CDH7: variants seen among roughly 807,000 people sequenced by gnomAD.
CDH7 encodes the protein cadherin 7.
Under a neutral mutation model 71.8 loss-of-function variants are expected in CDH7, and 25 were observed. The observed-to-expected ratio is 0.35, with a 90% CI of 0.25 to 0.49. The LOEUF (loss-of-function observed/expected upper bound fraction) is 0.49. CDH7 is among the 20% of genes least tolerant of loss of function. The pLI is 0.99. For missense variants in CDH7, 862 were observed against 974.6 expected, an observed-to-expected ratio of 0.88 and a Z score of 1.54; for synonymous variants, 381 against 363.8, an observed-to-expected ratio of 1.05 and a Z score of -0.54.
At chr18:65,751,941 G>C (rs549420840) in intron 1 of CDH7, among the ~76,000 whole-genome samples, 184 of 152,298 alleles carry the variant, frequency 1.2e-3, no homozygotes, top group African/African-American at 4.4e-3. Flanking sequence ...TTTCTTAAAT[G>C]TCATAGTTCA....
At chr18:65,798,628 A>G (rs1911002591) in intron 2 of CDH7, among the ~76,000 whole-genome samples, 1 of 152,208 alleles carries the variant, frequency 6.6e-6, no homozygotes, top group Non-Finnish European at 1.5e-5. Flanking sequence ...TGTTGAGCAA[A>G]GCAGCCTAGG....
intron 1 of CDH7, among the ~76,000 whole-genome samples, chr18:65,757,270 C>T (rs1229761034): frequency 1.3e-5 from 2 of 152,078 alleles, no homozygotes; most frequent in East Asian, 3.9e-4. Context: ...GAAACTAATA[C>T]ACTGCCACTT....
chr18:65,861,443 G>A (rs754418309), intron 10 of CDH7, among the ~76,000 whole-genome samples: 22 of 123,752 alleles, frequency 1.8e-4, no homozygotes, highest in African/African-American at 3.7e-4. Context: ...CTCTGACATC[G>A]GAGTTGGTAG....
At position 65,877,693 on chromosome 18, in the gene CDH7, T is replaced by C. The variant is rs1252549074; in HGVS notation, c.1865-2708T>C. On this transcript the variant is annotated intron_variant, in intron 11 of 11. Coordinates refer to ENST00000397968, the MANE Select transcript of CDH7 (RefSeq NM_004361.5). The stretch of plus-strand genomic sequence containing the variant: ...CACTATTTTCTCTCAACGTCCCTCT[T>C]CATTCCATGCTTTACTTAATTTGAT... Among the ~76,000 whole-genome samples, 3 of 152,250 alleles carry C rather than the reference T, an allele frequency of 2.0e-5. No individual in the cohort carries two copies. In the South Asian group the frequency reaches 6.2e-4, roughly 32 times the overall value.
chr18:65,823,030 T>C (rs567113162), intron 5 of CDH7, among the ~76,000 whole-genome samples: 1 of 151,890 alleles, frequency 6.6e-6, no homozygotes, highest in Non-Finnish European at 1.5e-5. Context: ...CTGTACAATG[T>C]CTCTAAAATG....
intron 2 of CDH7, among the ~76,000 whole-genome samples, chr18:65,793,875 G>A (rs1242896519): frequency 2.0e-5 from 3 of 151,958 alleles, no homozygotes; most frequent in Non-Finnish European, 2.9e-5. Flanking sequence ...ACTTTGATTT[G>A]GCTTTTCTTG....
chr18:65,859,335 G>A (rs925011643), intron 9 of CDH7, among the ~76,000 whole-genome samples: 3 of 152,130 alleles, frequency 2.0e-5, no homozygotes, highest in Non-Finnish European at 2.9e-5. Context: ...TACGCTGATT[G>A]GGCTGTTTCC....
chr18:65,833,871 GTTCAC>G (rs1484251153), intron 6 of CDH7, among the ~76,000 whole-genome samples: 1 of 152,038 alleles, frequency 6.6e-6, no homozygotes, highest in African/African-American at 2.4e-5. Flanking sequence ...TGTTGATTTT[GTTCAC>G]TTAAGAGTAT....
intron 2 of CDH7, among the ~76,000 whole-genome samples, chr18:65,781,838 C>T (rs1307585560): frequency 1.1e-5 from 1 of 92,300 alleles, no homozygotes; most frequent in Admixed American, 1.0e-4. Flanking sequence ...TTCTTTCTTT[C>T]TTTCTTTCTT....
intron 4 of CDH7, among the ~76,000 whole-genome samples, chr18:65,820,857 G>A (rs1197357606): frequency 4.6e-5 from 7 of 152,050 alleles, no homozygotes; most frequent in African/African-American, 1.4e-4. Flanking sequence ...TTACTGATTA[G>A]TTGAGGGGTT....
chr18:65,870,918 A>G (rs1913908245), intron 11 of CDH7, among the ~76,000 whole-genome samples: 1 of 152,208 alleles, frequency 6.6e-6, no homozygotes, highest in African/African-American at 2.4e-5. Context: ...ATATAGAGAC[A>G]ATATTTTTAA....
intron 2 of CDH7, among the ~76,000 whole-genome samples, chr18:65,781,767 TTTCCTTCCTTCCTTCC>T (rs1189209857): frequency 1.3e-5 from 1 of 75,488 alleles, no homozygotes; most frequent in Non-Finnish European, 2.6e-5. Context: ...TCTTTCTTTC[TTTCCTTCCTTCCTTCC>T]TTCCTTCCTT....
intron 2 of CDH7, among the ~76,000 whole-genome samples, chr18:65,802,030 C>T (rs1285205917): frequency 6.6e-6 from 1 of 152,206 alleles, no homozygotes; most frequent in Non-Finnish European, 1.5e-5. Context: ...TCTCAGATTG[C>T]TCTCTGCCTT....
intron 2 of CDH7, chr18:65,803,072 T>G (rs1467814344): frequency 6.6e-6 from 1 of 152,214 alleles, no homozygotes; most frequent in Admixed American, 6.5e-5. Flanking sequence ...ATCTTTTTAT[T>G]TTATCCTCAC....
intron 4 of CDH7, among the ~76,000 whole-genome samples, chr18:65,821,302 C>T (rs1911919286): frequency 6.6e-6 from 1 of 151,954 alleles, no homozygotes; most frequent in Non-Finnish European, 1.5e-5. Flanking sequence ...ATCATTATGG[C>T]TCTGAGAAGA....
intron 1 of CDH7, among the ~76,000 whole-genome samples, chr18:65,760,330 T>C (rs2143782203): frequency 6.6e-6 from 1 of 152,282 alleles, no homozygotes; most frequent in Non-Finnish European, 1.5e-5. Flanking sequence ...AGTTAAGACA[T>C]GACTGACCCA....
Position 65,880,571 on chromosome 18 carries a change from G to A in CDH7, c.2035G>A (p.Asp679Asn), listed in dbSNP as rs767445222. The A allele has an allele frequency of 2.7e-5, 43 of 1,613,770 alleles. No homozygotes were observed. In the Admixed American group the frequency reaches 7.0e-4, roughly 26 times the overall value. ...AALRNLNVIR[D>N]TKTRRDVTPE... ...ACTGAGAAACCTCAACGTCATCCGA[G>A]ACACCAAGACCCGGAGGGATGTGAC... Residue 679 changes from aspartate to asparagine, a missense_variant, in exon 12 of 12, where the codon GAC (aspartate) becomes AAC (asparagine). Transcript: ENST00000397968.
At chr18:65,794,033 A>T (rs1360657727) in intron 2 of CDH7, among the ~76,000 whole-genome samples, 4 of 152,066 alleles carry the variant, frequency 2.6e-5, no homozygotes, top group Non-Finnish European at 2.9e-5. Flanking sequence ...AAGAATAGAG[A>T]ATTAGAAGTA....
chr18:65,753,857 CT>C, intron 1 of CDH7, among the ~76,000 whole-genome samples: 1 of 152,204 alleles, frequency 6.6e-6, no homozygotes, highest in Non-Finnish European at 1.5e-5. Context: ...ATGCAGACAT[CT>C]GTCCATATCT....
Sources: gnomAD v4.1 joint callset for allele counts (sites outside exome capture counted in the v4.1 genomes callset) on GRCh38, gnomAD v4.1.1 for gene constraint, MANE v1.5 for transcripts, NCBI Gene and HGNC (gene_info 2026-07-23, HGNC 2026-07-21) for gene names.